Variants in MCTP2 observed in about 807,000 individuals in gnomAD.
MCTP2 encodes multiple C2 and transmembrane domain-containing protein 2.
MCTP2 carries 132 observed loss-of-function variants against 111.6 expected under a neutral mutation model. That is an observed-to-expected ratio of 1.18 (90% CI 1.03 to 1.37). The LOEUF is 1.37. Ranked by LOEUF, MCTP2 falls within the 40% of genes most tolerant of loss-of-function variation. The pLI is 0.00. For missense variants in MCTP2, 1,183 were observed against 1,067.9 expected (o/e 1.11, Z -1.50); for synonymous variants, 395 against 387.7 (o/e 1.02, Z -0.22).
At chr15:94,417,562 C>A (rs766359040) in intron 17 of MCTP2, among the ~76,000 whole-genome samples, 1 of 152,062 alleles carries the variant, frequency 6.6e-6, no homozygotes, top group African/African-American at 2.4e-5. Flanking sequence ...TATTCCTGAG[C>A]GCTGGTGATG....
At chr15:94,423,714 G>C (rs1203996307) in intron 17 of MCTP2, among the ~76,000 whole-genome samples, 3 of 152,188 alleles carry the variant, frequency 2.0e-5, no homozygotes, top group African/African-American at 7.2e-5. Context: ...GCTGCCAATG[G>C]TAGTGGCTGC....
intron 17 of MCTP2, among the ~76,000 whole-genome samples, chr15:94,419,415 G>C (rs1353504551): frequency 6.6e-6 from 1 of 152,076 alleles, no homozygotes; most frequent in Non-Finnish European, 1.5e-5. Context: ...ATGACTTAGA[G>C]GTATAAGTGG....
chr15:94,253,410 T>A (rs555071613), intron 1 of MCTP2, among the ~76,000 whole-genome samples: 1 of 152,330 alleles, frequency 6.6e-6, no homozygotes, highest in Non-Finnish European at 1.5e-5. Flanking sequence ...CACCTGCTGC[T>A]GCCTGCTCCC....
chr15:94,347,170 T>C (rs1278943131), intron 8 of MCTP2, among the ~76,000 whole-genome samples: 2 of 152,148 alleles, frequency 1.3e-5, no homozygotes, highest in Non-Finnish European at 2.9e-5. Context: ...AGTGTCTAAT[T>C]TGGCTTATGG....
chr15:94,386,367 T>C (rs1456415192), intron 14 of MCTP2, among the ~76,000 whole-genome samples: 1 of 152,210 alleles, frequency 6.6e-6, no homozygotes, highest in Non-Finnish European at 1.5e-5. Flanking sequence ...TATCTGTGGA[T>C]TTTTGTGGAT....
chr15:94,480,384 T>G lies in MCTP2; in HGVS notation c.*1350T>G, dbSNP rs1360811551. On this transcript the variant is annotated 3_prime_UTR_variant, in exon 23 of 23. Transcript: ENST00000357742. ...CTTCAAACAAAATGTTTACGAAAAA[T>G]GCCAAAGATTCTAAATCTTATCATC... 1.3e-5 allele frequency: 2 copies of G among 151,944 alleles called. No homozygotes were observed. The highest frequency in any genetic ancestry group is 2.9e-5 in the Non-Finnish European group (2 of 67,990). 9.4% of individuals were successfully genotyped at this position (151,944 alleles called of 1,614,324 possible). A position where few individuals can be genotyped will look rare whatever the true frequency, so the allele number is the denominator to read the frequency against.
intron 19 of MCTP2, among the ~76,000 whole-genome samples, chr15:94,445,993 C>A (rs910222394): frequency 6.6e-6 from 1 of 152,168 alleles, no homozygotes; most frequent in Non-Finnish European, 1.5e-5. Flanking sequence ...CCATGTTCTG[C>A]CTGTCTCTGA....
At chr15:94,328,209 G>T (rs57102419) in intron 4 of MCTP2, among the ~76,000 whole-genome samples, 1 of 150,096 alleles carries the variant, frequency 6.7e-6, no homozygotes, top group Non-Finnish European at 1.5e-5. Flanking sequence ...GCTCACTGCA[G>T]GCTCTGCCTC....
chr15:94,465,413 C>T (rs915556600), intron 20 of MCTP2, among the ~76,000 whole-genome samples: 3 of 151,968 alleles, frequency 2.0e-5, no homozygotes, highest in African/African-American at 7.2e-5. Flanking sequence ...AACAGATTAA[C>T]AATAATAATG....
chr15:94,315,555 G>A lies in MCTP2; in HGVS notation c.555G>A (p.Leu185=). The A allele has an allele frequency of 6.2e-7, 1 of 1,614,054 alleles. No homozygotes were observed. The highest frequency in any genetic ancestry group is 8.5e-7 in the Non-Finnish European group (1 of 1,179,976). The change falls in exon 4 of 23, where the codon TTG becomes TTA. Residue 185 remains leucine (L), a synonymous_variant. Transcript: ENST00000357742. ...TACCGGGGGAAGCCAGTGATGGCTT[G>A]AGTAACCTCCCCAGCCCTTTTGCGT... is the stretch of plus-strand genomic sequence containing the variant. ...QSVPGEASDG[L]SNLPSPFAYL...
At chr15:94,430,428 C>G (rs1230062864) in intron 17 of MCTP2, among the ~76,000 whole-genome samples, 1 of 149,786 alleles carries the variant, frequency 6.7e-6, no homozygotes, top group Non-Finnish European at 1.5e-5. Context: ...CACACACACA[C>G]ACACACACAC....
At chr15:94,452,241 G>A (rs999630198) in intron 19 of MCTP2, among the ~76,000 whole-genome samples, 2 of 152,156 alleles carry the variant, frequency 1.3e-5, no homozygotes, top group Non-Finnish European at 2.9e-5. Flanking sequence ...TAGATATAAA[G>A]AGAAAAGACC....
intron 14 of MCTP2, among the ~76,000 whole-genome samples, chr15:94,389,681 C>G (rs2080756675): frequency 6.6e-6 from 1 of 151,836 alleles, no homozygotes; most frequent in Non-Finnish European, 1.5e-5. Flanking sequence ...TCTTTATAGG[C>G]AGTGGAGCCA....
At chr15:94,247,389 T>A (rs2072092360) in intron 1 of MCTP2, among the ~76,000 whole-genome samples, 1 of 152,106 alleles carries the variant, frequency 6.6e-6, no homozygotes, top group African/African-American at 2.4e-5. Context: ...CAAATGTTAA[T>A]GGAAAGAGGG....
chr15:94,428,016 C>T (rs1761017358), intron 17 of MCTP2, among the ~76,000 whole-genome samples: 2 of 152,140 alleles, frequency 1.3e-5, no homozygotes, highest in Admixed American at 1.3e-4. Flanking sequence ...TATTTAAATT[C>T]TGGACAGTCT....
At chr15:94,257,017 C>G (rs1376051878) in intron 1 of MCTP2, among the ~76,000 whole-genome samples, 1 of 152,288 alleles carries the variant, frequency 6.6e-6, no homozygotes, top group East Asian at 1.9e-4. Context: ...AACCTCAAGT[C>G]TTTGCTGGCC....
intron 1 of MCTP2, among the ~76,000 whole-genome samples, chr15:94,294,614 A>C (rs138996421): frequency 3.8e-4 from 58 of 152,310 alleles, no homozygotes; most frequent in African/African-American, 1.3e-3. Flanking sequence ...TAGAGATGCA[A>C]CTTTGTTTAC....
At chr15:94,336,324 C>T (rs1040949345) in intron 4 of MCTP2, among the ~76,000 whole-genome samples, 1 of 152,184 alleles carries the variant, frequency 6.6e-6, no homozygotes, top group Non-Finnish European at 1.5e-5. Context: ...ACTAATCTTT[C>T]CCACCTATGA....
chr15:94,258,033 CAT>C (rs1491436952), intron 1 of MCTP2, among the ~76,000 whole-genome samples: 23 of 84,960 alleles, frequency 2.7e-4, no homozygotes, highest in African/African-American at 8.9e-4. Flanking sequence ...GCCACCATGT[CAT>C]TTTTTTTTTT....
Sources: allele counts gnomAD v4.1 joint callset (sites outside exome capture counted in the v4.1 genomes callset), GRCh38; gene constraint gnomAD v4.1.1; transcripts MANE v1.5; gene names NCBI Gene and HGNC (gene_info 2026-07-23, HGNC 2026-07-21).